GNB5: variants seen among roughly 807,000 people sequenced by gnomAD.
GNB5 encodes G protein subunit beta 5.
In GNB5, 37 loss-of-function variants were observed where a neutral mutation model predicts 55.3. That is an observed-to-expected ratio of 0.67 (90% confidence interval 0.51 to 0.88). GNB5 has a LOEUF of 0.88. GNB5 is among the 40% of genes least tolerant of loss of function. GNB5 has a pLI of 0.00. For missense variants in GNB5, 476 were observed against 515.3 expected (o/e 0.92, Z 0.74); for synonymous variants, 219 against 198.5 (o/e 1.10, Z -0.87).
Position 52,179,837 on chromosome 15 carries a change from G to T in GNB5, c.169C>A (p.Leu57Met). The change falls in exon 3 of 13, where the codon CTG becomes ATG. Residue 57 changes from leucine to methionine, a missense_variant. Physicochemically the swap from Leu to Met is conservative, Grantham distance 15. Coordinates refer to ENST00000261837, the MANE Select transcript of GNB5 (RefSeq NM_016194.4). Reference sequence around the variant, plus strand: ...TTGAGGCTCTCGGCCTCGCTCTTCAGCGACGCCAGCGTCTCGTTCTCGTGC... The same window carrying T: ...TTGAGGCTCTCGGCCTCGCTCTTCATCGACGCCAGCGTCTCGTTCTCGTGC... Reference protein sequence around the residue: ...GLHENETLASLKSEAESLKGK... With the variant: ...GLHENETLASMKSEAESLKGK... 1 of 1,554,194 alleles carries T rather than the reference G, an allele frequency of 6.4e-7. No homozygotes were observed. Among genetic ancestry groups the T allele is most frequent in the Non-Finnish European group, 8.7e-7 (1 of 1,151,530 alleles).
At chr15:52,171,696 A>C (rs2034557755) in intron 3 of GNB5, among the ~76,000 whole-genome samples, 3 of 152,258 alleles carry the variant, frequency 2.0e-5, no homozygotes, top group African/African-American at 7.2e-5. Context: ...ATATGAAAAA[A>C]GTCAAGGAAT....
rs68061912 is a variant in GNB5 at position 52,190,117 on chromosome 15, A to ATT, written c.-19+1203_-19+1204dup. Among the ~76,000 whole-genome samples, 169 of 144,000 alleles carry ATT rather than the reference A, an allele frequency of 1.2e-3. 6 individuals carry two copies. The highest frequency in any genetic ancestry group is 9.8e-3 in the Admixed American group (143 of 14,568). 94.5% of individuals were successfully genotyped at this position (144,000 alleles called of 152,430 possible). A position where few individuals can be genotyped will look rare whatever the true frequency, so the allele number is the denominator to read the frequency against. ...AAACGTGGACATCATATCTCAATAA[A>ATT]TTTTTTTTTTTTTTTTTTTAGACAG... On this transcript the variant is annotated intron_variant, in intron 1 of 12. Coordinates refer to ENST00000261837, the MANE Select transcript of GNB5 (RefSeq NM_016194.4).
intron 7 of GNB5, among the ~76,000 whole-genome samples, chr15:52,139,268 C>G (rs1159298925): frequency 6.6e-6 from 1 of 152,112 alleles, no homozygotes; most frequent in Non-Finnish European, 1.5e-5. Flanking sequence ...ACACCAAGAC[C>G]CCATCACTAC....
chr15:52,124,215 A>T (rs912322402), intron 12 of GNB5, among the ~76,000 whole-genome samples: 7 of 152,136 alleles, frequency 4.6e-5, no homozygotes, highest in Non-Finnish European at 1.0e-4. Context: ...CTGGATGATC[A>T]AGCCTAACTA....
intron 2 of GNB5, among the ~76,000 whole-genome samples, chr15:52,183,635 G>A (rs945481265): frequency 1.3e-5 from 2 of 152,200 alleles, no homozygotes; most frequent in African/African-American, 4.8e-5. Context: ...TAGATAAAAT[G>A]TAAAAGTCAT....
chr15:52,181,373 C>T (rs1257802964), intron 2 of GNB5, among the ~76,000 whole-genome samples: 3 of 152,106 alleles, frequency 2.0e-5, no homozygotes, highest in Non-Finnish European at 4.4e-5. Flanking sequence ...CCCAACACTT[C>T]GGGAGGCCAA....
intron 3 of GNB5, among the ~76,000 whole-genome samples, chr15:52,179,385 G>T (rs1267324005): frequency 1.3e-5 from 2 of 151,982 alleles, no homozygotes; most frequent in Non-Finnish European, 2.9e-5. Context: ...CTCCTAGGCC[G>T]CGCCTACACG....
chr15:52,147,099 T>C (rs2033992803), intron 6 of GNB5: 1 of 209,232 alleles, frequency 4.8e-6, no homozygotes, highest in Non-Finnish European at 9.7e-6. Flanking sequence ...GAGCAGGAGA[T>C]AGGTTTGAAA....
intron 4 of GNB5, among the ~76,000 whole-genome samples, chr15:52,151,810 AAAT>A (rs2034102347): frequency 6.6e-6 from 1 of 152,108 alleles, no homozygotes; most frequent in South Asian, 2.1e-4. Flanking sequence ...AAGTGCTCTA[AAAT>A]AATAATAATG....
chr15:52,143,630 C>A (rs1362398718), intron 6 of GNB5, among the ~76,000 whole-genome samples: 1 of 152,180 alleles, frequency 6.6e-6, no homozygotes, highest in Non-Finnish European at 1.5e-5. Flanking sequence ...TTGGAAACAA[C>A]TGAGAGGGAG....
At chr15:52,128,666 C>A (rs1164316846) in intron 9 of GNB5, 2 of 472,176 alleles carry the variant, frequency 4.2e-6, no homozygotes, top group Admixed American at 2.3e-5. Context: ...TGGCAAATGA[C>A]TTCCTCTTGC....
chr15:52,176,580 A>C (rs1029859847), intron 3 of GNB5, among the ~76,000 whole-genome samples: 7 of 152,178 alleles, frequency 4.6e-5, no homozygotes, highest in Non-Finnish European at 1.0e-4. Context: ...CTATGGGACC[A>C]AGACAAGCTC....
chr15:52,127,210 G>A (rs1444348022), intron 10 of GNB5, among the ~76,000 whole-genome samples: 1 of 152,162 alleles, frequency 6.6e-6, no homozygotes, highest in Non-Finnish European at 1.5e-5. Context: ...CCCAACCTCT[G>A]GGCATTTCTT....
intron 1 of GNB5, among the ~76,000 whole-genome samples, chr15:52,185,030 C>G (rs1408894898): frequency 6.6e-6 from 1 of 152,214 alleles, no homozygotes; most frequent in East Asian, 1.9e-4. Context: ...GTAATGGATG[C>G]TATAACTTAA....
intron 3 of GNB5, among the ~76,000 whole-genome samples, chr15:52,168,756 TG>T (rs1272710206): frequency 6.6e-6 from 1 of 152,146 alleles, no homozygotes; most frequent in Non-Finnish European, 1.5e-5. Flanking sequence ...AGCTGGGTAC[TG>T]GTACAAAAAC....
chr15:52,183,333 T>G (rs200059202), intron 2 of GNB5, among the ~76,000 whole-genome samples: 49 of 145,368 alleles, frequency 3.4e-4, no homozygotes, highest in Admixed American at 6.2e-4. Context: ...TAATAAATAA[T>G]GGGGGGGGGG....
intron 3 of GNB5, among the ~76,000 whole-genome samples, chr15:52,162,504 T>C (rs898711493): frequency 1.3e-5 from 2 of 151,962 alleles, no homozygotes; most frequent in African/African-American, 4.8e-5. Context: ...TCCGTGAAAA[T>C]AAATACTCTG....
chr15:52,148,844 G>A lies in GNB5; in HGVS notation c.417+1040C>T, dbSNP rs186792533. Among the ~76,000 whole-genome samples, 33 of 152,314 alleles carry A rather than the reference G, an allele frequency of 2.2e-4. No homozygotes were observed. In the East Asian group the frequency reaches 5.4e-3, roughly 25 times the overall value. On this transcript the variant is annotated intron_variant, in intron 5 of 12. Transcript: ENST00000261837. The stretch of plus-strand genomic sequence containing the variant: ...CTGAGGTAGCCACTCTCAGCACAGG[G>A]TATCCCAGGCCCCTTTCCTCACAAG...
chr15:52,155,597 G>A (rs1016907611), intron 3 of GNB5, among the ~76,000 whole-genome samples: 4 of 152,168 alleles, frequency 2.6e-5, no homozygotes, highest in African/African-American at 9.7e-5. Flanking sequence ...GAAAATCCAC[G>A]ATCATAGATT....
Sources: gnomAD v4.1 joint callset for allele counts (sites outside exome capture counted in the v4.1 genomes callset) on GRCh38, gnomAD v4.1.1 for gene constraint, MANE v1.5 for transcripts, NCBI Gene and HGNC (gene_info 2026-07-23, HGNC 2026-07-21) for gene names.